DZANK1: variants seen among roughly 807,000 people sequenced by gnomAD.
DZANK1 encodes the protein double zinc ribbon and ankyrin repeat-containing protein 1.
A neutral mutation model predicts 94.5 loss-of-function variants in DZANK1; 91 were observed. The observed-to-expected ratio is 0.96, with a 90% CI of 0.81 to 1.15. DZANK1 has a LOEUF of 1.15. Ranked by LOEUF, DZANK1 falls within the 50% of genes most tolerant of loss-of-function variation. The pLI, the probability that DZANK1 is intolerant of heterozygous loss-of-function variation, is 0.00. For missense variants in DZANK1, 903 were observed against 916.4 expected, an observed-to-expected ratio of 0.99 and a Z score of 0.19; for synonymous variants, 312 against 325.3, an observed-to-expected ratio of 0.96 and a Z score of 0.44.
At position 18,406,502 on chromosome 20, in the gene DZANK1, C is replaced by T. The variant is rs180905699; in HGVS notation, c.1432+6144G>A. Among the ~76,000 whole-genome samples, 556 of 152,326 alleles carry T rather than the reference C, an allele frequency of 3.7e-3. 2 individuals are homozygous for T. Among genetic ancestry groups the T allele is most frequent in the African/African-American group, 0.012 (506 of 41,578 alleles). On this transcript the variant is annotated intron_variant, in intron 13 of 20. Coordinates refer to ENST00000262547, the Ensembl canonical transcript of DZANK1. ...AGGCCCCAGTCCTAGCGGGATTGAT[C>T]GTCTGCTGACTAAAGGGCCCCTGGG...
intron 6 of DZANK1, among the ~76,000 whole-genome samples, chr20:18,451,165 C>T (rs759843298): frequency 6.6e-6 from 1 of 152,190 alleles, no homozygotes; most frequent in African/African-American, 2.4e-5. Context: ...AGGCTGGTCT[C>T]GAACTCCTGA....
chr20:18,427,008 A>G lies in DZANK1; in HGVS notation c.954+59T>C, dbSNP rs182835759. On this transcript the variant is annotated intron_variant, in intron 10 of 20. Coordinates refer to ENST00000262547, the Ensembl canonical transcript of DZANK1. Reference sequence around the variant, plus strand: ...CCTCGGCAGATTCTGTTTCTCTATTATCATTAACATTGACATAGTAGCCAC... The same window carrying G: ...CCTCGGCAGATTCTGTTTCTCTATTGTCATTAACATTGACATAGTAGCCAC... The G allele has an allele frequency of 7.0e-5, 89 of 1,274,726 alleles. No individual in the cohort carries two copies. The Admixed American group carries it at 1.8e-3, about 25-fold the overall frequency. 79.0% of individuals were successfully genotyped at this position (1,274,726 alleles called of 1,614,324 possible).
At chr20:18,424,432 G>A (rs2148534906) in intron 10 of DZANK1, among the ~76,000 whole-genome samples, 1 of 150,786 alleles carries the variant, frequency 6.6e-6, no homozygotes, top group East Asian at 1.9e-4. Flanking sequence ...TCCAGCCTGG[G>A]CGACAGAGCA....
rs115011903 is a variant in DZANK1 at position 18,419,090 on chromosome 20, C to T, written c.955-3641G>A. 7.9e-3 allele frequency among the ~76,000 whole-genome samples: 1,202 copies of T among 152,132 alleles called. 14 individuals carry two copies. The highest frequency in any genetic ancestry group is 0.027 in the African/African-American group (1,118 of 41,514). ...CAGCCTGGCCAACATGGTAAATCCT[C>T]GTTTCTACTGAAAATACAAAAATTA... On this transcript the variant is annotated intron_variant, in intron 10 of 20. Transcript: ENST00000262547.
chr20:18,415,315 T>C lies in DZANK1; in HGVS notation c.1077+12A>G. ...TGCTCAGTATACAGAATCTCAGTTT[T>C]AAAATACCCACCATGGCTCCACACC... is the stretch of plus-strand genomic sequence containing the variant. On this transcript the variant is annotated intron_variant, in intron 11 of 20. Transcript: ENST00000262547. The C allele has an allele frequency of 6.6e-7, 1 of 1,525,220 alleles. No homozygotes were observed. Among genetic ancestry groups the C allele is most frequent in the Non-Finnish European group, 8.8e-7 (1 of 1,131,380 alleles). The allele number at this position is 1,525,220 out of a possible 1,614,324, so 94.5% of individuals were successfully genotyped here.
At chr20:18,453,281 C>T (rs1185543532) in intron 5 of DZANK1, among the ~76,000 whole-genome samples, 1 of 152,154 alleles carries the variant, frequency 6.6e-6, no homozygotes, top group Non-Finnish European at 1.5e-5. Context: ...ACACAGTGTT[C>T]CCCATGTATC....
At chr20:18,411,716 G>C (rs2057265136) in intron 13 of DZANK1, among the ~76,000 whole-genome samples, 3 of 152,138 alleles carry the variant, frequency 2.0e-5, no homozygotes, top group Non-Finnish European at 4.4e-5. Context: ...GAAAATACTA[G>C]CAAACTGTCT....
chr20:18,411,477 G>A (rs1235403393), intron 13 of DZANK1, among the ~76,000 whole-genome samples: 1 of 152,054 alleles, frequency 6.6e-6, no homozygotes, highest in Non-Finnish European at 1.5e-5. Context: ...AAAAAGTAAA[G>A]AGTAATCAGA....
intron 19 of DZANK1, among the ~76,000 whole-genome samples, chr20:18,388,207 T>C (rs1321010336): frequency 6.6e-6 from 1 of 152,196 alleles, no homozygotes; most frequent in Non-Finnish European, 1.5e-5. Flanking sequence ...CACAACCATG[T>C]GAGCTACATA....
exon 12 of DZANK1, chr20:18,414,497 C>T: frequency 6.2e-7 from 1 of 1,610,450 alleles, no homozygotes; most frequent in Non-Finnish European, 8.5e-7. Flanking sequence ...ACAGAACAGC[C>T]AGCAGGAATG....
chr20:18,444,689 T>C (rs1156960727), intron 7 of DZANK1, among the ~76,000 whole-genome samples: 1 of 152,234 alleles, frequency 6.6e-6, no homozygotes, highest in Non-Finnish European at 1.5e-5. Context: ...ATACTCTATA[T>C]ATACTCTAAA....
At chr20:18,387,461 A>G (rs761331811) in intron 19 of DZANK1, among the ~76,000 whole-genome samples, 13 of 152,192 alleles carry the variant, frequency 8.5e-5, no homozygotes, top group Non-Finnish European at 1.9e-4. Flanking sequence ...TAAATTACCT[A>G]ATGGAATAAA....
At chr20:18,460,367 GC>G in intron 2 of DZANK1, 61 bp from the exon 3 acceptor site, 2 of 1,232,372 alleles carry the variant, frequency 1.6e-6, no homozygotes, top group Admixed American at 2.4e-5. Flanking sequence ...CCTGAATAAT[GC>G]CTATAGGTCA....
chr20:18,455,024 T>C (rs1464896705), intron 4 of DZANK1, among the ~76,000 whole-genome samples: 4 of 152,166 alleles, frequency 2.6e-5, no homozygotes, highest in Non-Finnish European at 5.9e-5. Context: ...CACTGGAGCA[T>C]GGACCCCAAT....
At chr20:18,407,066 T>C (rs932987212) in intron 13 of DZANK1, among the ~76,000 whole-genome samples, 2 of 152,252 alleles carry the variant, frequency 1.3e-5, no homozygotes, top group Non-Finnish European at 1.5e-5. Flanking sequence ...TATGTTTTTT[T>C]ACTCTAACCC....
intron 9 of DZANK1, among the ~76,000 whole-genome samples, chr20:18,428,406 C>T (rs2058145743): frequency 6.6e-6 from 1 of 151,956 alleles, no homozygotes; most frequent in Non-Finnish European, 1.5e-5. Context: ...TCAGGCTGGT[C>T]TCAAACTCCT....
chr20:18,399,617 A>T (rs2148301974), intron 13 of DZANK1, among the ~76,000 whole-genome samples: 1 of 152,342 alleles, frequency 6.6e-6, no homozygotes, highest in South Asian at 2.1e-4. Flanking sequence ...CACTCTAAAA[A>T]GTTCTCTTGG....
In DZANK1 at chr20:18,394,316, T is replaced by C. The variant is rs748672030; in HGVS notation, c.1646A>G (p.Asp549Gly). Reference sequence around the variant, plus strand: ...CTCGGCAGCACTGCTCAGAAGGTGATCGCTGAAATTCACTGCCTTGTTCAG... The same window carrying C: ...CTCGGCAGCACTGCTCAGAAGGTGACCGCTGAAATTCACTGCCTTGTTCAG... The change falls in exon 16 of 21, where the codon GAT (aspartate) becomes GGT (glycine). Residue 549 changes from aspartate to glycine, a missense_variant. Transcript: ENST00000262547. 6 of 1,613,712 alleles carry C rather than the reference T, an allele frequency of 3.7e-6. No individual in the cohort carries two copies. The Admixed American group carries it at 6.7e-5, about 18-fold the overall frequency.
At chr20:18,393,925 G>C (rs1191221211) in intron 16 of DZANK1, 114 bp from the exon 17 acceptor site, 2 of 733,212 alleles carry the variant, frequency 2.7e-6, no homozygotes, top group Non-Finnish European at 4.5e-6. Context: ...GGCTATCATA[G>C]AAATTTCTAT....
Sources: allele counts gnomAD v4.1 joint callset (sites outside exome capture counted in the v4.1 genomes callset), GRCh38; gene constraint gnomAD v4.1.1; transcripts MANE v1.5; gene names NCBI Gene and HGNC (gene_info 2026-07-23, HGNC 2026-07-21).